Variants in HSD17B2 observed in about 807,000 individuals in gnomAD.
HSD17B2 encodes hydroxysteroid 17-beta dehydrogenase 2.
Under a neutral mutation model 26.9 loss-of-function variants are expected in HSD17B2, and 32 were observed. That is an observed-to-expected ratio of 1.19 (90% CI 0.90 to 1.60). The LOEUF (loss-of-function observed/expected upper bound fraction) is 1.60, where lower values mean the gene tolerates loss of function less well. Among genes scored for constraint, HSD17B2 ranks in the 40% most tolerant of loss-of-function variants. The probability of loss-of-function intolerance (pLI) is 0.00; values close to 1 mark genes in which losing one functional copy is unlikely to be tolerated. For missense variants in HSD17B2, 613 were observed against 468.6 expected (o/e 1.31, Z -2.85); for synonymous variants, 246 against 186.7 (o/e 1.32, Z -2.59).
At position 82,098,485 on chromosome 16, in the gene HSD17B2, AGGGAAACT is replaced by A; in HGVS notation, c.*61_*68del. ...CGGAATGTCATAGTCTTGAAATGAA[AGGGAAACT>A]GGGAAACTGGGTTTCTCATTAAAGT... On this transcript the variant is annotated 3_prime_UTR_variant, in exon 5 of 5. Transcript: ENST00000199936. 3 of 1,525,670 alleles carry A rather than the reference AGGGAAACT, an allele frequency of 2.0e-6. No homozygotes were observed. The highest frequency in any genetic ancestry group is 1.4e-5 in the African/African-American group (1 of 71,902). The allele number at this position is 1,525,670 out of a possible 1,614,324, so 94.5% of individuals were successfully genotyped here.
At chr16:82,060,873 C>A (rs1192380128) in intron 1 of HSD17B2, among the ~76,000 whole-genome samples, 14 of 152,166 alleles carry the variant, frequency 9.2e-5, no homozygotes, top group Non-Finnish European at 1.9e-4. Flanking sequence ...GCAGTGAGGA[C>A]CTTCTGAGAG....
At chr16:82,064,847 G>A (rs1381766896) in intron 1 of HSD17B2, among the ~76,000 whole-genome samples, 1 of 152,176 alleles carries the variant, frequency 6.6e-6, no homozygotes, top group Non-Finnish European at 1.5e-5. Flanking sequence ...CTCTTCAAGA[G>A]GACTTAGCCC....
chr16:82,072,265 T>A (rs1268636718), intron 3 of HSD17B2, among the ~76,000 whole-genome samples: 1 of 151,932 alleles, frequency 6.6e-6, no homozygotes, highest in Non-Finnish European at 1.5e-5. Context: ...TCTAGGATGG[T>A]TAGGAGCAAT....
chr16:82,055,295 C>T (rs936077441), intron 1 of HSD17B2, among the ~76,000 whole-genome samples: 5 of 152,212 alleles, frequency 3.3e-5, no homozygotes, highest in Non-Finnish European at 5.9e-5. Flanking sequence ...TGCACTCTTC[C>T]GTGAACATGG....
At chr16:82,038,652 C>A (rs1913685452) in intron 1 of HSD17B2, among the ~76,000 whole-genome samples, 1 of 152,222 alleles carries the variant, frequency 6.6e-6, no homozygotes, top group African/African-American at 2.4e-5. Flanking sequence ...TGAAGACACA[C>A]AGGCTTGGGT....
chr16:82,086,505 G>C (rs557627064), intron 3 of HSD17B2, among the ~76,000 whole-genome samples: 3 of 152,250 alleles, frequency 2.0e-5, no homozygotes, highest in Middle Eastern at 3.4e-3. Context: ...AATCAACAAA[G>C]TGAATGCTGA....
intron 1 of HSD17B2, among the ~76,000 whole-genome samples, chr16:82,040,640 ACT>A (rs1161329626): frequency 2.0e-5 from 3 of 152,202 alleles, no homozygotes; most frequent in Non-Finnish European, 4.4e-5. Flanking sequence ...TGTGCCCATG[ACT>A]CTGCTTAATA....
rs773064474 is a variant in HSD17B2, at chr16:82,035,377, C to G, written c.-48C>G. On this transcript the variant is annotated 5_prime_UTR_variant, in exon 1 of 5. Transcript: ENST00000199936. ...GCTGCCTCCAGCCAGCCTTTGCCCG[C>G]TAGACTCACTGGCCCTGAGCACTTG... 8.9e-6 allele frequency: 14 copies of G among 1,572,438 alleles called. No individual in the cohort carries two copies. Among genetic ancestry groups the G allele is most frequent in the Non-Finnish European group, 1.7e-6 (2 of 1,156,300 alleles).
chr16:82,058,917 G>A (rs8191096), intron 1 of HSD17B2, among the ~76,000 whole-genome samples: 61 of 152,234 alleles, frequency 4.0e-4, no homozygotes, highest in African/African-American at 1.3e-3. Context: ...GATGGGTTGT[G>A]CCTGGACTGT....
At chr16:82,056,846 A>AG (rs1459548047) in intron 1 of HSD17B2, among the ~76,000 whole-genome samples, 1 of 152,228 alleles carries the variant, frequency 6.6e-6, no homozygotes, top group Admixed American at 6.5e-5. Flanking sequence ...TTATGGACGT[A>AG]GGGTTCAAAT....
intron 1 of HSD17B2, among the ~76,000 whole-genome samples, chr16:82,047,274 A>T (rs535722374): frequency 6.6e-6 from 1 of 152,316 alleles, no homozygotes; most frequent in Admixed American, 6.5e-5. Context: ...TTAGATTACT[A>T]CTTCAGAACC....
In HSD17B2 at chr16:82,044,056, TC is replaced by T. The variant is rs578203196; in HGVS notation, c.265+8370del. 1.4e-3 allele frequency among the ~76,000 whole-genome samples: 219 copies of T among 152,276 alleles called. 1 individual carries two copies. The highest frequency in any genetic ancestry group is 5.1e-3 in the African/African-American group (211 of 41,550). The stretch of plus-strand genomic sequence containing the variant: ...ATCTTCTCATTCCTTTTACCATTCC[TC>T]CCATGGCCTAGTTTCCAGAACGTTC... On this transcript the variant is annotated intron_variant, in intron 1 of 4. Coordinates refer to ENST00000199936, the MANE Select transcript of HSD17B2 (RefSeq NM_002153.3).
At chr16:82,036,859 C>A (rs901185613) in intron 1 of HSD17B2, among the ~76,000 whole-genome samples, 1 of 152,106 alleles carries the variant, frequency 6.6e-6, no homozygotes, top group Non-Finnish European at 1.5e-5. Context: ...TATTAGAATT[C>A]TCAAATGGCT....
At chr16:82,066,254 G>T (rs1250876041) in intron 1 of HSD17B2, among the ~76,000 whole-genome samples, 2 of 152,174 alleles carry the variant, frequency 1.3e-5, no homozygotes, top group African/African-American at 4.8e-5. Context: ...AGAGCTATTT[G>T]CTGGGCAATG....
intron 1 of HSD17B2, chr16:82,056,341 C>T (rs1431439172): frequency 2.6e-5 from 4 of 152,102 alleles, no homozygotes; most frequent in African/African-American, 7.2e-5. Context: ...AGTTGCTTAA[C>T]GTGTTTTTAC....
intron 1 of HSD17B2, among the ~76,000 whole-genome samples, chr16:82,036,404 G>T (rs1720649156): frequency 6.6e-6 from 1 of 151,090 alleles, no homozygotes. Context: ...ATTTCTTTGA[G>T]TTGTAAAATT....
At chr16:82,053,654 A>G (rs1390879144) in intron 1 of HSD17B2, among the ~76,000 whole-genome samples, 1 of 152,184 alleles carries the variant, frequency 6.6e-6, no homozygotes, top group Non-Finnish European at 1.5e-5. Flanking sequence ...ATGGGGGAGC[A>G]GAGAGAAGCT....
chr16:82,035,886 AGGGAAGGAGAGGATGAAGT>A, intron 1 of HSD17B2, among the ~76,000 whole-genome samples, 197 bp downstream of exon 1: 1 of 152,054 alleles, frequency 6.6e-6, no homozygotes, highest in African/African-American at 2.4e-5. Flanking sequence ...TGGTAGTGGG[AGGGAAGGAGAGGATGAAGT>A]GCACCCAGAC....
intron 1 of HSD17B2, among the ~76,000 whole-genome samples, chr16:82,045,902 C>G (rs1328316540): frequency 1.3e-5 from 2 of 152,316 alleles, no homozygotes; most frequent in East Asian, 3.9e-4. Flanking sequence ...GATAATTTAC[C>G]CTGAGCTGTC....
Sources: allele counts gnomAD v4.1 joint callset (sites outside exome capture counted in the v4.1 genomes callset), GRCh38; gene constraint gnomAD v4.1.1; transcripts MANE v1.5; gene names NCBI Gene and HGNC (gene_info 2026-07-23, HGNC 2026-07-21).